CHN2: variants seen among roughly 807,000 people sequenced by gnomAD.
The protein encoded by CHN2 is chimerin 2, also known as beta-chimaerin.
CHN2 carries 35 observed loss-of-function variants against 56.3 expected under a neutral mutation model. The observed-to-expected ratio is 0.62, with a 90% CI of 0.47 to 0.82. CHN2 has a LOEUF of 0.82. Among genes scored for constraint, CHN2 ranks in the 40% least tolerant of loss-of-function variants. The pLI, the probability that CHN2 is intolerant of heterozygous loss-of-function variation, is 0.00. For synonymous variants in CHN2, 210 were observed against 212.8 expected, an observed-to-expected ratio of 0.99 and a Z score of 0.12; for missense variants, 491 against 580.5, an observed-to-expected ratio of 0.85 and a Z score of 1.58.
At chr7:29,233,414 G>A (rs74751799) in intron 1 of CHN2, among the ~76,000 whole-genome samples, 1,604 of 152,280 alleles carry the variant, frequency 0.011, 24 homozygotes, top group African/African-American at 0.036. Flanking sequence ...CTAGAAGTGG[G>A]TGCTCAAAAC....
chr7:29,480,121 A>G (rs1490708300), intron 6 of CHN2, 158 bp from the exon 7 acceptor site: 1 of 1,554,282 alleles, frequency 6.4e-7, no homozygotes, highest in Admixed American at 2.0e-5. Context: ...ATGTTCTCTG[A>G]AGAACTGTGG....
intron 8 of CHN2, 130 bp from the exon 9 acceptor site, chr7:29,499,737 A>G: frequency 1.3e-6 from 1 of 746,206 alleles, no homozygotes; most frequent in African/African-American, 1.7e-5. Flanking sequence ...AGTCCTAGAA[A>G]CGGGATAGAT....
intron 3 of CHN2, among the ~76,000 whole-genome samples, chr7:29,384,002 C>T (rs1240242507): frequency 2.0e-5 from 3 of 152,232 alleles, no homozygotes; most frequent in South Asian, 2.1e-4. Context: ...AAGAAGACTT[C>T]GTGGCAGATT....
At chr7:29,224,642 T>C (rs1562844875) in intron 1 of CHN2, among the ~76,000 whole-genome samples, 1 of 152,338 alleles carries the variant, frequency 6.6e-6, no homozygotes, top group South Asian at 2.1e-4. Context: ...AAAGAGATTA[T>C]TGTGAGGAAC....
At chr7:29,218,801 T>G (rs1455795425) in intron 1 of CHN2, among the ~76,000 whole-genome samples, 1 of 121,670 alleles carries the variant, frequency 8.2e-6, no homozygotes, top group South Asian at 2.7e-4. Flanking sequence ...CAGGGACTGT[T>G]GTGGGGTGGG....
intron 1 of CHN2, among the ~76,000 whole-genome samples, chr7:29,299,278 G>A (rs1424155634): frequency 6.6e-6 from 1 of 152,130 alleles, no homozygotes; most frequent in Non-Finnish European, 1.5e-5. Context: ...ACTGATCCGT[G>A]GTGATTTCTG....
chr7:29,388,150 C>CT (rs1485828794), intron 3 of CHN2, among the ~76,000 whole-genome samples: 22 of 152,156 alleles, frequency 1.4e-4, no homozygotes, highest in African/African-American at 5.1e-4. Flanking sequence ...CTTTGCTGCG[C>CT]TATACATTTT....
At chr7:29,176,556 A>G (rs1797370319) in intron 2 of CHN2, among the ~76,000 whole-genome samples, 1 of 152,216 alleles carries the variant, frequency 6.6e-6, no homozygotes, top group South Asian at 2.1e-4. Context: ...AAGTAAAGAC[A>G]TTTATAGACA....
chr7:29,262,066 G>A (rs1789598319), intron 1 of CHN2, among the ~76,000 whole-genome samples: 1 of 152,154 alleles, frequency 6.6e-6, no homozygotes, highest in South Asian at 2.1e-4. Context: ...TACTCGGGAG[G>A]CTGAGGCAGG....
chr7:29,239,983 A>G (rs1473392409), intron 1 of CHN2, among the ~76,000 whole-genome samples: 1 of 152,192 alleles, frequency 6.6e-6, no homozygotes, highest in Non-Finnish European at 1.5e-5. Flanking sequence ...CAACTAACTC[A>G]AACATTTTTT....
chr7:29,340,421 G>A (rs1796955142), intron 1 of CHN2, among the ~76,000 whole-genome samples: 3 of 152,056 alleles, frequency 2.0e-5, no homozygotes, highest in African/African-American at 7.2e-5. Context: ...TCAATATTTA[G>A]CAGCCCTGAA....
chr7:29,446,997 A>G (rs575954739), intron 6 of CHN2, among the ~76,000 whole-genome samples: 3 of 152,328 alleles, frequency 2.0e-5, no homozygotes, highest in Admixed American at 6.5e-5. Context: ...ACTGTTTCCA[A>G]GTAACTTTAA....
At chr7:29,309,093 G>T (rs1245343135) in intron 1 of CHN2, among the ~76,000 whole-genome samples, 2 of 152,054 alleles carry the variant, frequency 1.3e-5, no homozygotes, top group Non-Finnish European at 2.9e-5. Flanking sequence ...TTGTCTAGAG[G>T]GTATCCACTA....
At chr7:29,208,338 T>C (rs1019037302) in intron 1 of CHN2, among the ~76,000 whole-genome samples, 10 of 152,108 alleles carry the variant, frequency 6.6e-5, no homozygotes. Flanking sequence ...AAAATACAAA[T>C]AAATGCCCCT....
intron 6 of CHN2, among the ~76,000 whole-genome samples, chr7:29,441,298 A>G (rs1425224725): frequency 3.3e-5 from 5 of 152,362 alleles, no homozygotes; most frequent in Admixed American, 6.5e-5. Context: ...CACCATCTAC[A>G]TGAACTAACT....
intron 2 of CHN2, among the ~76,000 whole-genome samples, chr7:29,173,439 C>T (rs531676448): frequency 2.6e-5 from 4 of 152,028 alleles, no homozygotes; most frequent in South Asian, 2.1e-4. Context: ...TAGAAAGCTA[C>T]GAGAGAATGT....
chr7:29,502,324 T>C (rs547656070), intron 9 of CHN2, among the ~76,000 whole-genome samples: 2 of 152,280 alleles, frequency 1.3e-5, no homozygotes, highest in East Asian at 3.9e-4. Flanking sequence ...TTGAGTGCTA[T>C]CCTGCGTGCA....
intron 2 of CHN2, among the ~76,000 whole-genome samples, chr7:29,177,614 C>G (rs1288591354): frequency 2.7e-5 from 4 of 150,882 alleles, no homozygotes; most frequent in Admixed American, 2.6e-4. Flanking sequence ...TTTTCTCTCT[C>G]TCTTTTCCTT....
At chr7:29,170,220 G>T (rs925008371) in intron 2 of CHN2, among the ~76,000 whole-genome samples, 5 of 152,118 alleles carry the variant, frequency 3.3e-5, no homozygotes, top group African/African-American at 1.2e-4. Context: ...TTTAACAATA[G>T]ATTGCTGGTG....
Sources: allele counts gnomAD v4.1 joint callset (sites outside exome capture counted in the v4.1 genomes callset), GRCh38; gene constraint gnomAD v4.1.1; transcripts MANE v1.5; gene names NCBI Gene and HGNC (gene_info 2026-07-23, HGNC 2026-07-21).